FGD5: variants seen among roughly 807,000 people sequenced by gnomAD.
FGD5 encodes FYVE, RhoGEF and PH domain containing 5.
A neutral mutation model predicts 133.4 loss-of-function variants in FGD5; 28 were observed. That is an observed-to-expected ratio of 0.21 (90% CI 0.16 to 0.29). FGD5 has a LOEUF of 0.29. FGD5 is among the 10% of genes least tolerant of loss of function. The pLI is 1.00. For synonymous variants in FGD5, 810 were observed against 776.5 expected, an observed-to-expected ratio of 1.04 and a Z score of -0.72; for missense variants, 1,858 against 1,895.2, an observed-to-expected ratio of 0.98 and a Z score of 0.36.
Position 14,933,317 on chromosome 3 carries a change from C to G in FGD5, c.*150C>G. On this transcript the variant is annotated 3_prime_UTR_variant, in exon 20 of 20. Transcript: ENST00000285046. The stretch of plus-strand genomic sequence containing the variant: ...TTGCTATAACCGCCCCACCACTCCC[C>G]TGCCCTTGCCAACATCTTCATGAAT... The G allele has an allele frequency of 2.6e-6, 2 of 759,204 alleles. No individual in the cohort carries two copies. The highest frequency in any genetic ancestry group is 4.5e-6 in the Non-Finnish European group (2 of 442,948). The allele number at this position is 759,204 out of a possible 1,614,324, so 47.0% of individuals were successfully genotyped here.
intron 1 of FGD5, among the ~76,000 whole-genome samples, chr3:14,852,139 C>G (rs1487578539): frequency 6.6e-6 from 1 of 152,094 alleles, no homozygotes; most frequent in Admixed American, 6.5e-5. Flanking sequence ...TACAAAAATG[C>G]GTACACAGAT....
Position 14,922,489 on chromosome 3 carries a change from A to T in FGD5, c.3748A>T (p.Asn1250Tyr). The T allele has an allele frequency of 1.9e-6, 3 of 1,582,562 alleles. No homozygotes were observed. Among genetic ancestry groups the T allele is most frequent in the Non-Finnish European group, 2.6e-6 (3 of 1,164,434 alleles). The change falls in exon 15 of 20, where the codon AAC (asparagine) becomes TAC (tyrosine). Residue 1250 changes from asparagine to tyrosine, a missense_variant. Transcript: ENST00000285046. The surrounding 1 kb of genome is among the most constrained non-coding windows in gnomAD (Gnocchi z 4.1). ...TGTCACACACGTCATGATGTGCATG[A>T]ACTGCGGCTGCGACTTCTCCCTCAC... ...VPVTHVMMCM[N>Y]CGCDFSLTLR... is the part of the protein sequence containing the mutation.
intron 1 of FGD5, among the ~76,000 whole-genome samples, chr3:14,848,271 C>T (rs1687296): frequency 0.67 from 102,302 of 151,984 alleles, 34,726 homozygotes; most frequent in African/African-American, 0.74. Flanking sequence ...CCCTTCCCCG[C>T]GCCTCTTCCC....
chr3:14,820,617 G>A lies in FGD5; in HGVS notation c.1546G>A (p.Ala516Thr), dbSNP rs367889386. The A allele has an allele frequency of 2.2e-5, 36 of 1,605,204 alleles. No individual in the cohort carries two copies. Among genetic ancestry groups the A allele is most frequent in the South Asian group, 1.7e-4 (15 of 89,478 alleles). Residue 516 changes from alanine to threonine, a missense_variant, in exon 1 of 20, where the codon GCA becomes ACA. Ala to Thr is a moderately conservative substitution (Grantham distance 58, BLOSUM62 0). This residue lies in a region of FGD5 where 1,824 missense variants were observed against 1,848.9 expected (regional missense o/e 0.99). Transcript: ENST00000285046. ...GSSAPGIGGA[A>T]EEVGKTLLSL... ...GTCAGCCCCTGGCATTGGAGGTGCC[G>A]CAGAGGAGGTGGGAAAGACGCTTTT...
At chr3:14,818,936 T>A, upstream of FGD5, 1 of 1,436,546 alleles carries the variant, frequency 7.0e-7, no homozygotes, top group Non-Finnish European at 9.1e-7. Context: ...TTTCTCCTTT[T>A]CTCTATTTTT....
At chr3:14,833,703 C>T (rs1172840015) in intron 1 of FGD5, among the ~76,000 whole-genome samples, 1 of 152,150 alleles carries the variant, frequency 6.6e-6, no homozygotes, top group Non-Finnish European at 1.5e-5. Context: ...CCGAGGTGAC[C>T]AGAGGAAGAT....
At chr3:14,863,853 G>A (rs2037445395) in intron 1 of FGD5, among the ~76,000 whole-genome samples, 1 of 152,198 alleles carries the variant, frequency 6.6e-6, no homozygotes, top group African/African-American at 2.4e-5. Context: ...CGCATCCTGA[G>A]TTATTCGGGC....
intron 2 of FGD5, among the ~76,000 whole-genome samples, chr3:14,871,490 A>G (rs1271897793): frequency 6.6e-6 from 1 of 152,216 alleles, no homozygotes; most frequent in East Asian, 1.9e-4. Flanking sequence ...CATTTTTGAT[A>G]TTCCTGTTGC....
intron 17 of FGD5, among the ~76,000 whole-genome samples, chr3:14,925,387 A>C (rs2038781146): frequency 6.6e-6 from 1 of 151,928 alleles, no homozygotes; most frequent in Non-Finnish European, 1.5e-5. Context: ...TCATAATCAC[A>C]TATATGTATA....
chr3:14,925,944 C>T, intron 17 of FGD5, 126 bp from the exon 18 acceptor site: 1 of 1,264,462 alleles, frequency 7.9e-7, no homozygotes, highest in South Asian at 1.4e-5. Context: ...ATCCTGAGAC[C>T]TTATCCAGTG....
chr3:14,882,655 G>A (rs1434215368), intron 4 of FGD5, among the ~76,000 whole-genome samples: 1 of 150,254 alleles, frequency 6.7e-6, no homozygotes, highest in East Asian at 2.0e-4. Flanking sequence ...CCGAGATCGT[G>A]CCACTGCACT....
In FGD5 at chr3:14,820,364, G is replaced by T. The variant is rs1181311318; in HGVS notation, c.1293G>T (p.Val431=). ...ALDDALANPY[V]MGVGLPGQAA... ...ATGATGCACTGGCCAACCCCTATGT[G>T]ATGGGAGTGGGCCTGCCCGGTCAGG... The change falls in exon 1 of 20, where the codon GTG becomes GTT. Residue 431 remains valine, a synonymous_variant. Coordinates refer to ENST00000285046, the MANE Select transcript of FGD5 (RefSeq NM_152536.4). 1.9e-6 allele frequency: 3 copies of T among 1,613,514 alleles called. No homozygotes were observed. The African/African-American group carries it at 4.0e-5, about 22-fold the overall frequency.
At position 14,922,462 on chromosome 3, in the gene FGD5, C is replaced by G. The variant is rs1231183485; in HGVS notation, c.3721C>G (p.Pro1241Ala). The change falls in exon 15 of 20, where the codon CCT becomes GCT. Residue 1241 changes from proline to alanine, a missense_variant. By Grantham distance (27) the Pro-to-Ala change is conservative. Coordinates refer to ENST00000285046, the MANE Select transcript of FGD5 (RefSeq NM_152536.4). This position sits in a 1 kb window ranked among gnomAD's most constrained non-coding sequence, Gnocchi z 4.1. ...SLGERPPTLV[P>A]VTHVMMCMNC... ...TGGGGAGAGGCCCCCCACCCTGGTG[C>G]CTGTCACACACGTCATGATGTGCAT... is the stretch of plus-strand genomic sequence containing the variant. The G allele has an allele frequency of 6.3e-7, 1 of 1,575,004 alleles. No individual in the cohort carries two copies. Among genetic ancestry groups the G allele is most frequent in the Non-Finnish European group, 8.6e-7 (1 of 1,160,450 alleles).
chr3:14,897,973 G>A lies in FGD5; in HGVS notation c.2944G>A (p.Ala982Thr), dbSNP rs2038168335. Residue 982 changes from alanine to threonine, a missense_variant, in exon 6 of 20, where the codon GCC becomes ACC. By Grantham distance (58) the Ala-to-Thr change is moderately conservative. Transcript: ENST00000285046. ...GCAGAAGGTAGCTGACGTCTTCCTG[G>A]CCCGGGAGCAGGGGTTTGATCACCA... ...SQQKVADVFL[A>T]REQGFDHHAT... The A allele has an allele frequency of 6.2e-7, 1 of 1,613,814 alleles. No individual in the cohort carries two copies. The highest frequency in any genetic ancestry group is 1.1e-5 in the South Asian group (1 of 91,078).
Position 14,821,132 on chromosome 3 carries a change from C to T in FGD5, c.2061C>T (p.His687=), listed in dbSNP as rs374955183. 23 of 1,613,896 alleles carry T rather than the reference C, an allele frequency of 1.4e-5. No individual in the cohort carries two copies. Among genetic ancestry groups the T allele is most frequent in the South Asian group, 2.2e-5 (2 of 91,086 alleles). The stretch of plus-strand genomic sequence containing the variant: ...GGTCCTCTTCAGAGTCCAGCTACCA[C>T]GGGCCTTCCAGGATTCTGGAAGTTG... The part of the protein sequence containing the change: ...SSRSSSESSY[H]GPSRILEVDR... Residue 687 remains histidine (H), a synonymous_variant, in exon 1 of 20, where the codon CAC becomes CAT. Transcript: ENST00000285046.
At position 14,917,278 on chromosome 3, in the gene FGD5, C is replaced by T; in HGVS notation, c.3435C>T (p.Pro1145=). 1 of 1,613,740 alleles carries T rather than the reference C, an allele frequency of 6.2e-7. No individual in the cohort carries two copies. The highest frequency in any genetic ancestry group is 8.5e-7 in the Non-Finnish European group (1 of 1,179,818). Residue 1145 remains proline, a synonymous_variant, in exon 12 of 20, where the codon CCC becomes CCT. Coordinates refer to ENST00000285046, the MANE Select transcript of FGD5 (RefSeq NM_152536.4). The surrounding 1 kb of genome is among the most constrained non-coding windows in gnomAD (Gnocchi z 4.1). The part of the protein sequence containing the change: ...LMNDVLLYTY[P]QKDGKYRLKN... ...ACGATGTGCTCCTGTACACCTATCC[C>T]CAGAAGGATGGGAAGTACCGGCTGA...
intron 1 of FGD5, among the ~76,000 whole-genome samples, chr3:14,838,476 C>A (rs1648515550): frequency 6.6e-6 from 1 of 152,188 alleles, no homozygotes; most frequent in Non-Finnish European, 1.5e-5. Context: ...CTATTACAGT[C>A]TTTGATTCTG....
intron 17 of FGD5, 148 bp from the exon 18 acceptor site, chr3:14,925,922 G>C (rs2038794244): frequency 9.8e-7 from 1 of 1,018,082 alleles, no homozygotes; most frequent in African/African-American, 1.6e-5. Context: ...TGCTGACTTT[G>C]GTACTGGATA....
chr3:14,812,254 T>G (rs2036306952), intron 1 of FGD5, among the ~76,000 whole-genome samples: 1 of 151,754 alleles, frequency 6.6e-6, no homozygotes, highest in African/African-American at 2.4e-5. Context: ...TGCCACTTTG[T>G]GGGAATGGAA....
Sources: allele counts gnomAD v4.1 joint callset (sites outside exome capture counted in the v4.1 genomes callset), GRCh38; gene constraint gnomAD v4.1.1; regional missense constraint gnomAD v4.1.1; non-coding constraint Gnocchi (gnomAD v3.1); transcripts MANE v1.5; gene names NCBI Gene and HGNC (gene_info 2026-07-23, HGNC 2026-07-21).